TNKS2: variants seen among roughly 807,000 people sequenced by gnomAD.
The protein encoded by TNKS2 is tankyrase 2, also known as poly [ADP-ribose] polymerase tankyrase-2.
In TNKS2, 72 loss-of-function variants were observed where a neutral mutation model predicts 137.6. That is an observed-to-expected ratio of 0.52 (90% CI 0.43 to 0.64). The LOEUF is 0.64. Ranked by LOEUF, TNKS2 falls within the 30% of genes least tolerant of loss-of-function variation. TNKS2 has a pLI of 0.00. For missense variants in TNKS2, 1,049 were observed against 1,410.2 expected, an observed-to-expected ratio of 0.74 and a Z score of 4.10; for synonymous variants, 516 against 512.1, an observed-to-expected ratio of 1.01 and a Z score of -0.10.
rs1318776473 is a variant in TNKS2 at position 91,845,743 on chromosome 10, C to A, written c.2170-9C>A. The A allele has an allele frequency of 6.7e-7, 1 of 1,497,174 alleles. No individual in the cohort carries two copies. The highest frequency in any genetic ancestry group is 9.0e-7 in the Non-Finnish European group (1 of 1,110,292). 92.7% of individuals were successfully genotyped at this position (1,497,174 alleles called of 1,614,324 possible). On this transcript the variant is annotated splice_polypyrimidine_tract_variant and intron_variant, in intron 17 of 26. Coordinates refer to ENST00000371627, the MANE Select transcript of TNKS2 (RefSeq NM_025235.4). Reference sequence around the variant, plus strand: ...TATTTCAGACTGTAACGGGTATTTTCTTTTACAGCATGTAGATGTAGCAGC... The same window carrying A: ...TATTTCAGACTGTAACGGGTATTTTATTTTACAGCATGTAGATGTAGCAGC...
intron 13 of TNKS2, among the ~76,000 whole-genome samples, chr10:91,840,349 A>G (rs1455600500): frequency 6.6e-6 from 1 of 152,172 alleles, no homozygotes; most frequent in Non-Finnish European, 1.5e-5. Flanking sequence ...CAAAAAAATA[A>G]TAAGACAAAA....
intron 11 of TNKS2, among the ~76,000 whole-genome samples, chr10:91,832,115 A>G (rs1845269894): frequency 6.6e-6 from 1 of 151,804 alleles, no homozygotes; most frequent in Non-Finnish European, 1.5e-5. Flanking sequence ...TTTCTCTTTG[A>G]TTTGGGGGAA....
chr10:91,862,753 G>C (rs1842882814), intron 26 of TNKS2, among the ~76,000 whole-genome samples, 184 bp from the exon 27 acceptor site: 1 of 152,034 alleles, frequency 6.6e-6, no homozygotes, highest in Admixed American at 6.6e-5. Flanking sequence ...TCTTAGACTT[G>C]CTGATTGAAA....
Position 91,831,155 on chromosome 10 carries a change from G to C in TNKS2, c.1249G>C (p.Glu417Gln), listed in dbSNP as rs959565428. The C allele has an allele frequency of 9.3e-6, 15 of 1,613,854 alleles. No homozygotes were observed. The highest frequency in any genetic ancestry group is 1.3e-5 in the Non-Finnish European group (15 of 1,179,944). Residue 417 changes from glutamate (E) to glutamine (Q), a missense_variant, in exon 11 of 27, where the codon GAA (glutamate) becomes CAA (glutamine). Glu to Gln is a conservative substitution (Grantham distance 29). Around this residue, in one of 6 missense-constraint regions of TNKS2, gnomAD observed 328 missense variants for 436.0 expected, o/e 0.75. Coordinates refer to ENST00000371627, the MANE Select transcript of TNKS2 (RefSeq NM_025235.4). ...TGAGAAAGCTCATAATGATGTTGTT[G>C]AAGTAGTGGTGAAACATGAAGCAAA... ...ASEKAHNDVV[E>Q]VVVKHEAKVN...
intron 16 of TNKS2, among the ~76,000 whole-genome samples, chr10:91,842,908 A>C (rs1842258272): frequency 6.6e-6 from 1 of 152,262 alleles, no homozygotes; most frequent in Non-Finnish European, 1.5e-5. Context: ...TGTTACATTC[A>C]GTAAGAACAA....
At chr10:91,842,117 A>G (rs1842224568) in intron 15 of TNKS2, 55 bp from the exon 16 acceptor site, 1 of 1,284,342 alleles carries the variant, frequency 7.8e-7, no homozygotes, top group Admixed American at 1.9e-5. Context: ...TTTCTCATTG[A>G]CCAAAGGCAC....
intron 2 of TNKS2, among the ~76,000 whole-genome samples, chr10:91,813,715 A>G (rs1464467268): frequency 6.6e-6 from 1 of 152,232 alleles, no homozygotes; most frequent in African/African-American, 2.4e-5. Flanking sequence ...GAACACTGTG[A>G]TAAGAGTACA....
intron 13 of TNKS2, among the ~76,000 whole-genome samples, chr10:91,838,934 C>A (rs547449707): frequency 6.3e-4 from 96 of 152,342 alleles, no homozygotes; most frequent in African/African-American, 2.2e-3. Context: ...ATTGCACGAT[C>A]TCGGCTCACA....
intron 25 of TNKS2, 49 bp downstream of exon 25, chr10:91,859,697 C>G (rs745862346): frequency 6.6e-7 from 1 of 1,513,876 alleles, no homozygotes; most frequent in Admixed American, 1.9e-5. Context: ...CAGATAAGAA[C>G]TAGTTGCATT....
At chr10:91,831,480 G>T (rs745405308) in intron 11 of TNKS2, among the ~76,000 whole-genome samples, 2 of 151,816 alleles carry the variant, frequency 1.3e-5, no homozygotes, top group African/African-American at 4.8e-5. Flanking sequence ...TTTTCTAATC[G>T]TCTTTTCTCA....
chr10:91,836,812 A>C, intron 12 of TNKS2, 107 bp from the exon 13 acceptor site: 4 of 1,454,546 alleles, frequency 2.7e-6, no homozygotes, highest in Non-Finnish European at 3.6e-6. Flanking sequence ...TACATAATCT[A>C]CCAAATTGTA....
intron 6 of TNKS2, among the ~76,000 whole-genome samples, chr10:91,821,353 G>GTGA (rs1480705845): frequency 6.6e-6 from 1 of 152,040 alleles, no homozygotes; most frequent in African/African-American, 2.4e-5. Context: ...GTTTAATGGG[G>GTGA]TGATACAGGA....
At chr10:91,816,642 C>T (rs192841544) in intron 2 of TNKS2, among the ~76,000 whole-genome samples, 3 of 150,294 alleles carry the variant, frequency 2.0e-5, no homozygotes, top group Non-Finnish European at 4.4e-5. Flanking sequence ...GGAAGCTATT[C>T]AGTTTTTTGT....
Position 91,862,161 on chromosome 10 carries a change from G to T in TNKS2, c.3438+6G>T, listed in dbSNP as rs746933761. The T allele has an allele frequency of 3.1e-5, 48 of 1,571,778 alleles. No individual in the cohort carries two copies. The highest frequency in any genetic ancestry group is 4.0e-5 in the Non-Finnish European group (47 of 1,160,620). ...TTATTTACAGAGGAGAACAGGTAAT[G>T]TAGTTTTATTTGTTCATCTTCAAAA... On this transcript the variant is annotated splice_donor_region_variant and intron_variant, in intron 26 of 26. Transcript: ENST00000371627.
chr10:91,842,153 C>G lies in TNKS2; in HGVS notation c.1840-19C>G. ...ATTTAAGCCATTTCCCCCTTTTTTT[C>G]TGTTTTTCACATGCCTAGCATGGTG... On this transcript the variant is annotated intron_variant, in intron 15 of 26. Transcript: ENST00000371627. 1 of 1,559,744 alleles carries G rather than the reference C, an allele frequency of 6.4e-7. No homozygotes were observed. The highest frequency in any genetic ancestry group is 1.2e-5 in the South Asian group (1 of 85,272).
Position 91,842,339 on chromosome 10 carries a change from T to A in TNKS2, c.2007T>A (p.Asn669Lys), listed in dbSNP as rs551148046. ...TGAAGAAGTTGTCTTCTCCTGATAATGTAAATTGCCGCGATACCCAAGGCA... is the reference window on the plus strand; with the variant it reads ...TGAAGAAGTTGTCTTCTCCTGATAAAGTAAATTGCCGCGATACCCAAGGCA... The part of the protein sequence containing the change: ...ARVKKLSSPD[N>K]VNCRDTQGRH... The change falls in exon 16 of 27, where the codon AAT (asparagine) becomes AAA (lysine). Residue 669 changes from asparagine to lysine, a missense_variant. Around this residue, in one of 6 missense-constraint regions of TNKS2, gnomAD observed 328 missense variants for 436.0 expected, o/e 0.75. Coordinates refer to ENST00000371627, the MANE Select transcript of TNKS2 (RefSeq NM_025235.4). 1 of 1,614,190 alleles carries A rather than the reference T, an allele frequency of 6.2e-7. No homozygotes were observed. Among genetic ancestry groups the A allele is most frequent in the East Asian group, 2.2e-5 (1 of 44,884 alleles).
chr10:91,807,848 T>G (rs1589644158), intron 1 of TNKS2, among the ~76,000 whole-genome samples: 1 of 151,836 alleles, frequency 6.6e-6, no homozygotes, highest in East Asian at 1.9e-4. Flanking sequence ...CAAAAAAAAT[T>G]AGCCAGGCGT....
At chr10:91,809,817 A>T (rs970147812) in intron 1 of TNKS2, among the ~76,000 whole-genome samples, 29 of 152,132 alleles carry the variant, frequency 1.9e-4, no homozygotes, top group African/African-American at 6.5e-4. Flanking sequence ...TTAAAGAAAA[A>T]AAAAGGCAAA....
In TNKS2 at chr10:91,831,284, AC is replaced by A. The variant is rs550479563; in HGVS notation, c.1275+104del. The A allele has an allele frequency of 5.2e-3, 5,575 of 1,073,312 alleles. 18 individuals carry two copies. The highest frequency in any genetic ancestry group is 9.6e-3 in the Admixed American group (452 of 47,152). The allele number at this position is 1,073,312 out of a possible 1,614,324, so 66.5% of individuals were successfully genotyped here. A position where few individuals can be genotyped will look rare whatever the true frequency, so the allele number is the denominator to read the frequency against. ...AACTATTTACTTTCTCATAAGTATT[AC>A]TTTTTTTTCCTTATAATCTATGCTT... On this transcript the variant is annotated intron_variant, in intron 11 of 26. Coordinates refer to ENST00000371627, the MANE Select transcript of TNKS2 (RefSeq NM_025235.4).
Sources: allele counts gnomAD v4.1 joint callset (sites outside exome capture counted in the v4.1 genomes callset), GRCh38; gene constraint gnomAD v4.1.1; regional missense constraint gnomAD v4.1.1; transcripts MANE v1.5; gene names NCBI Gene and HGNC (gene_info 2026-07-23, HGNC 2026-07-21).